The following ZNF407 variants were observed in gnomAD, a reference collection of about 807,000 sequenced individuals.
ZNF407 encodes the protein zinc finger protein 407.
Under a neutral mutation model 131.2 loss-of-function variants are expected in ZNF407, and 17 were observed. That is an observed-to-expected ratio of 0.13 (90% CI 0.09 to 0.19). The LOEUF (loss-of-function observed/expected upper bound fraction) is 0.19. ZNF407 is among the 10% of genes least tolerant of loss of function. ZNF407 has a pLI of 1.00. For missense variants in ZNF407, 2,681 were observed against 2,830.6 expected, an observed-to-expected ratio of 0.95 and a Z score of 1.20; for synonymous variants, 1,156 against 1,062.0, an observed-to-expected ratio of 1.09 and a Z score of -1.72.
intron 4 of ZNF407, among the ~76,000 whole-genome samples, chr18:74,801,527 G>T (rs567726457): frequency 6.6e-6 from 1 of 152,194 alleles, no homozygotes; most frequent in South Asian, 2.1e-4. Flanking sequence ...TCTCTTACAG[G>T]TATATTCAAT....
At position 74,634,157 on chromosome 18, in the gene ZNF407, T is replaced by C. The variant is rs1425324359; in HGVS notation, c.3138T>C (p.Phe1046=). The C allele has an allele frequency of 6.2e-7, 1 of 1,614,034 alleles. No homozygotes were observed. Among genetic ancestry groups the C allele is most frequent in the South Asian group, 1.1e-5 (1 of 91,084 alleles). Residue 1046 remains phenylalanine (F), a synonymous_variant, in exon 2 of 9, where the codon TTT becomes TTC. Coordinates refer to ENST00000299687, the MANE Select transcript of ZNF407 (RefSeq NM_017757.3). The stretch of plus-strand genomic sequence containing the variant: ...GGAAACATACAAAAGAGTTTGAGTT[T>C]TATTGCATGGCATGCGATTACTACG... ...VKRKHTKEFE[F]YCMACDYYAV...
chr18:74,617,189 G>GCACCACACACATCCATATCC (rs1983352930), intron 1 of ZNF407, among the ~76,000 whole-genome samples: 7 of 21,280 alleles, frequency 3.3e-4, no homozygotes, highest in Non-Finnish European at 5.1e-4. Flanking sequence ...CACACACATC[G>GCACCACACACATCCATATCC]ACACACTTTA....
rs774684426 is a variant in ZNF407, at chr18:74,635,672, G to A, written c.4653G>A (p.Ser1551=). 3 of 1,603,582 alleles carry A rather than the reference G, an allele frequency of 1.9e-6. No homozygotes were observed. The highest frequency in any genetic ancestry group is 1.7e-6 in the Non-Finnish European group (2 of 1,174,078). The change falls in exon 2 of 9, where the codon TCG becomes TCA. Residue 1551 remains serine, a synonymous_variant. Transcript: ENST00000299687. The surrounding 1 kb of genome is among the most constrained non-coding windows in gnomAD (Gnocchi z 4.7). ...GGAAGATGTGTCGAAGCAGCAACTC[G>A]ATGGCCTTCCTGGCACACATTCGCA... ...YCGKMCRSSN[S]MAFLAHIRTH... is the part of the protein sequence containing the mutation.
chr18:74,748,831 C>G (rs1968731250), intron 3 of ZNF407, among the ~76,000 whole-genome samples: 1 of 152,106 alleles, frequency 6.6e-6, no homozygotes, highest in African/African-American at 2.4e-5. Flanking sequence ...AAATATAGTG[C>G]AGTGACTTCT....
At chr18:74,691,287 AAAT>A (rs1386325181) in intron 3 of ZNF407, among the ~76,000 whole-genome samples, 4 of 151,886 alleles carry the variant, frequency 2.6e-5, no homozygotes, top group East Asian at 1.9e-4. Context: ...CTCAAAAAAA[AAAT>A]AATAATAAAT....
In ZNF407 at chr18:74,634,769, C is replaced by T. The variant is rs764041497; in HGVS notation, c.3750C>T (p.Cys1250=). 1 of 1,613,894 alleles carries T rather than the reference C, an allele frequency of 6.2e-7. No individual in the cohort carries two copies. The highest frequency in any genetic ancestry group is 8.5e-7 in the Non-Finnish European group (1 of 1,179,904). The change falls in exon 2 of 9, where the codon TGC becomes TGT. Residue 1250 remains cysteine, a synonymous_variant. Transcript: ENST00000299687. ...GTGTTGTCCCCCACAGACACCTGTG[C>T]CCTGTGACGCTCGATGGGGAGCGCT... The part of the protein sequence containing the change: ...GGGVVPHRHL[C]PVTLDGERSA...
At chr18:74,738,889 G>GTATATATATATACTTACATATATATAT in intron 3 of ZNF407, among the ~76,000 whole-genome samples, 1 of 152,056 alleles carries the variant, frequency 6.6e-6, no homozygotes, top group Non-Finnish European at 1.5e-5. Context: ...TTTGTTTAAG[G>GTATATATATATACTTACATATATATAT]AGATTTGAAA....
intron 1 of ZNF407, among the ~76,000 whole-genome samples, chr18:74,600,696 A>G (rs1035834334): frequency 2.0e-5 from 3 of 152,200 alleles, no homozygotes; most frequent in African/African-American, 7.2e-5. Flanking sequence ...AAAGAGATAA[A>G]GAGCGGTTAG....
intron 3 of ZNF407, among the ~76,000 whole-genome samples, chr18:74,749,451 A>G (rs1968747626): frequency 6.6e-6 from 1 of 152,180 alleles, no homozygotes; most frequent in South Asian, 2.1e-4. Flanking sequence ...TCATGCTGCA[A>G]TTATTACTTA....
At chr18:74,851,353 A>G (rs942021333) in intron 4 of ZNF407, among the ~76,000 whole-genome samples, 16 of 152,240 alleles carry the variant, frequency 1.1e-4, no homozygotes, top group African/African-American at 3.9e-4. Flanking sequence ...GAGAACATGT[A>G]TAATCATGGC....
chr18:74,836,483 C>G (rs1212934195), intron 4 of ZNF407, among the ~76,000 whole-genome samples: 1 of 152,170 alleles, frequency 6.6e-6, no homozygotes, highest in East Asian at 1.9e-4. Context: ...GAGCCCTGCT[C>G]CCCCAGCACA....
intron 4 of ZNF407, among the ~76,000 whole-genome samples, chr18:74,809,368 A>T (rs1970160969): frequency 6.6e-6 from 1 of 152,228 alleles, no homozygotes; most frequent in Non-Finnish European, 1.5e-5. Flanking sequence ...ATTTGGGCCA[A>T]GTGCCCTATG....
At chr18:75,052,028 T>C (rs2122266642) in intron 8 of ZNF407, among the ~76,000 whole-genome samples, 1 of 152,284 alleles carries the variant, frequency 6.6e-6, no homozygotes, top group South Asian at 2.1e-4. Context: ...GGAGAGGCTC[T>C]GGGGAAGACC....
intron 4 of ZNF407, among the ~76,000 whole-genome samples, chr18:74,875,150 G>A (rs766581153): frequency 1.3e-5 from 2 of 152,142 alleles, no homozygotes; most frequent in East Asian, 1.9e-4. Flanking sequence ...TGTTAAGTAC[G>A]TCTTGATCTT....
rs188383859 is a variant in ZNF407 at position 74,628,869 on chromosome 18, C to G, written c.-53-2098C>G. On this transcript the variant is annotated intron_variant, in intron 1 of 8. Transcript: ENST00000299687. ...CATTGGGATTGTAGGCATGAGCTAC[C>G]GTGCCTGGCCGATACTTCATTCTTT... Among the ~76,000 whole-genome samples, 2 of 152,156 alleles carry G rather than the reference C, an allele frequency of 1.3e-5. 1 individual carries two copies. Among genetic ancestry groups the G allele is most frequent in the Non-Finnish European group, 2.9e-5 (2 of 68,032 alleles).
chr18:74,628,840 A>G (rs1030864808), intron 1 of ZNF407, among the ~76,000 whole-genome samples: 1 of 152,108 alleles, frequency 6.6e-6, no homozygotes, highest in African/African-American at 2.4e-5. Context: ...TTGTCCTTCA[A>G]AAGCATTGGG....
chr18:74,712,273 G>A (rs1967784016), intron 3 of ZNF407, among the ~76,000 whole-genome samples: 1 of 152,104 alleles, frequency 6.6e-6, no homozygotes, highest in Admixed American at 6.5e-5. Flanking sequence ...CTGGAAAATG[G>A]GATTAGTTTC....
At chr18:74,792,966 C>G (rs1969853742) in intron 4 of ZNF407, among the ~76,000 whole-genome samples, 2 of 152,182 alleles carry the variant, frequency 1.3e-5, no homozygotes, top group South Asian at 4.1e-4. Flanking sequence ...GCTCTCCTCT[C>G]TTACTTATTT....
At chr18:74,954,846 T>C (rs555884576) in intron 8 of ZNF407, among the ~76,000 whole-genome samples, 1 of 152,320 alleles carries the variant, frequency 6.6e-6, no homozygotes, top group South Asian at 2.1e-4. Flanking sequence ...TCTAGTCCAG[T>C]ACTTGACGAA....
Sources: allele counts gnomAD v4.1 joint callset (sites outside exome capture counted in the v4.1 genomes callset), GRCh38; gene constraint gnomAD v4.1.1; non-coding constraint Gnocchi (gnomAD v3.1); transcripts MANE v1.5; gene names NCBI Gene and HGNC (gene_info 2026-07-23, HGNC 2026-07-21).